The following KLHL32 variants were observed in gnomAD, a reference collection of about 807,000 sequenced individuals.
KLHL32 encodes the protein kelch like family member 32, also known as kelch-like protein 32.
Under a neutral mutation model 64.8 loss-of-function variants are expected in KLHL32, and 35 were observed. The ratio of observed to expected loss-of-function variants is 0.54; its 90% CI spans 0.41 to 0.72. The LOEUF is 0.72. KLHL32 is among the 30% of genes least tolerant of loss of function. The pLI is 0.00. For synonymous variants in KLHL32, 259 were observed against 281.0 expected, an observed-to-expected ratio of 0.92 and a Z score of 0.78; for missense variants, 589 against 768.5, an observed-to-expected ratio of 0.77 and a Z score of 2.76.
chr6:97,070,541 G>C (rs937875908), intron 5 of KLHL32, among the ~76,000 whole-genome samples: 2 of 152,146 alleles, frequency 1.3e-5, no homozygotes, highest in Non-Finnish European at 2.9e-5. Context: ...AGGCACACTG[G>C]CTGGCCAGGG....
At chr6:97,054,081 T>C (rs1737659) in intron 4 of KLHL32, among the ~76,000 whole-genome samples, 23,167 of 152,112 alleles carry the variant, frequency 0.15, 1,910 homozygotes, top group African/African-American at 0.22. Context: ...CAATTCTAAC[T>C]TAAGTTTTTT....
intron 1 of KLHL32, among the ~76,000 whole-genome samples, chr6:96,935,880 C>A (rs1366741474): frequency 6.6e-6 from 1 of 152,224 alleles, no homozygotes; most frequent in Non-Finnish European, 1.5e-5. Context: ...CATCTCTTCA[C>A]AGTTTCTCCT....
chr6:97,118,073 A>AT (rs989010979), intron 7 of KLHL32, among the ~76,000 whole-genome samples: 1 of 152,096 alleles, frequency 6.6e-6, no homozygotes, highest in African/African-American at 2.4e-5. Context: ...CAATCAAATA[A>AT]TTTTTCAGAT....
chr6:96,959,763 A>G (rs1245772124), intron 1 of KLHL32, among the ~76,000 whole-genome samples: 1 of 152,136 alleles, frequency 6.6e-6, no homozygotes, highest in East Asian at 1.9e-4. Context: ...GTTTCTATGG[A>G]TCAGGAAGGC....
chr6:97,017,612 A>G (rs1403995911), intron 3 of KLHL32, among the ~76,000 whole-genome samples: 1 of 152,222 alleles, frequency 6.6e-6, no homozygotes, highest in Admixed American at 6.5e-5. Context: ...AAGCCAGACT[A>G]TTCTGGAAAT....
At chr6:97,105,474 T>C in intron 6 of KLHL32, 1 of 471,138 alleles carries the variant, frequency 2.1e-6, no homozygotes. Context: ...TTTTGTGCAC[T>C]GAGGGGAGAC....
intron 5 of KLHL32, among the ~76,000 whole-genome samples, chr6:97,070,183 T>C (rs1473392550): frequency 6.6e-6 from 1 of 152,176 alleles, no homozygotes; most frequent in East Asian, 1.9e-4. Context: ...GCTGAGGCTT[T>C]TGTGTTTGGA....
At chr6:97,056,974 T>C (rs1224077440) in intron 4 of KLHL32, among the ~76,000 whole-genome samples, 2 of 152,222 alleles carry the variant, frequency 1.3e-5, no homozygotes, top group African/African-American at 4.8e-5. Flanking sequence ...AGCATAGCTA[T>C]GTTATAATAA....
At chr6:97,002,211 G>T (rs1779120808) in intron 3 of KLHL32, among the ~76,000 whole-genome samples, 1 of 152,156 alleles carries the variant, frequency 6.6e-6, no homozygotes, top group African/African-American at 2.4e-5. Flanking sequence ...CCGGCAGAGA[G>T]AAGGAATTCT....
chr6:97,112,710 G>A (rs994632020), intron 6 of KLHL32, among the ~76,000 whole-genome samples: 1 of 151,470 alleles, frequency 6.6e-6, no homozygotes, highest in Admixed American at 6.6e-5. Context: ...CTCCCAAAGT[G>A]CTGGGATTAC....
At chr6:96,963,787 A>G (rs1010921599) in intron 1 of KLHL32, among the ~76,000 whole-genome samples, 3 of 152,236 alleles carry the variant, frequency 2.0e-5, no homozygotes, top group African/African-American at 7.2e-5. Context: ...TAATATTGCC[A>G]TTATTCAGTG....
intron 1 of KLHL32, among the ~76,000 whole-genome samples, chr6:96,949,389 A>G (rs748054219): frequency 2.0e-5 from 3 of 152,114 alleles, no homozygotes; most frequent in Non-Finnish European, 4.4e-5. Context: ...CACACTTGTT[A>G]TCATTGTTCA....
intron 3 of KLHL32, among the ~76,000 whole-genome samples, chr6:96,993,333 T>C (rs1778096453): frequency 1.3e-5 from 2 of 152,318 alleles, no homozygotes; most frequent in East Asian, 3.9e-4. Flanking sequence ...TTGACATGGC[T>C]GGTGATTGGT....
intron 3 of KLHL32, among the ~76,000 whole-genome samples, chr6:97,034,277 C>G (rs1210960222): frequency 6.6e-6 from 1 of 152,106 alleles, no homozygotes. Context: ...AAAAGCCTGT[C>G]CTTTCCCTAT....
intron 1 of KLHL32, among the ~76,000 whole-genome samples, chr6:96,963,755 A>G (rs1398186544): frequency 6.6e-6 from 1 of 152,226 alleles, no homozygotes; most frequent in African/African-American, 2.4e-5. Flanking sequence ...AGTAAAATCA[A>G]TAAATTCTCT....
chr6:97,086,166 A>G (rs1423905760), intron 6 of KLHL32, among the ~76,000 whole-genome samples: 1 of 152,220 alleles, frequency 6.6e-6, no homozygotes, highest in Non-Finnish European at 1.5e-5. Flanking sequence ...TTTGAAAAAT[A>G]ATTATATACA....
At chr6:97,101,255 TAGAA>T (rs1393227876) in intron 6 of KLHL32, among the ~76,000 whole-genome samples, 2 of 152,064 alleles carry the variant, frequency 1.3e-5, no homozygotes, top group Non-Finnish European at 2.9e-5. Flanking sequence ...AATGACAACA[TAGAA>T]AGATGATTCG....
At chr6:97,100,799 CT>C (rs763909891) in intron 6 of KLHL32, among the ~76,000 whole-genome samples, 4,784 of 96,226 alleles carry the variant, frequency 0.05, 58 homozygotes, top group Non-Finnish European at 0.066. Context: ...GCTCATTATT[CT>C]TTTTTTTTTT....
chr6:97,011,715 T>C (rs1258908539), intron 3 of KLHL32, among the ~76,000 whole-genome samples: 1 of 152,208 alleles, frequency 6.6e-6, no homozygotes, highest in Non-Finnish European at 1.5e-5. Context: ...ATGGACATGC[T>C]GACATAAAAG....
Sources: gnomAD v4.1 joint callset for allele counts (sites outside exome capture counted in the v4.1 genomes callset) on GRCh38, gnomAD v4.1.1 for gene constraint, MANE v1.5 for transcripts, NCBI Gene and HGNC (gene_info 2026-07-23, HGNC 2026-07-21) for gene names.